Variants in FIRRM observed in about 807,000 individuals in gnomAD.
FIRRM encodes the protein FIGNL1-interacting regulator of recombination and mitosis.
chr1:169,852,428 C>G, the FIRRM span: 1 of 270,198 alleles, frequency 3.7e-6, no homozygotes, highest in East Asian at 9.3e-5. Flanking sequence ...TCATGAAGAA[C>G]AACATTCTGA....
chr1:169,816,212 C>G, the FIRRM span, among the ~76,000 whole-genome samples: 2 of 151,976 alleles, frequency 1.3e-5, no homozygotes, highest in African/African-American at 4.8e-5. Context: ...AACTGGGCAA[C>G]TGTTGGAAAC....
At chr1:169,841,177 C>T in the FIRRM span, among the ~76,000 whole-genome samples, 3 of 152,126 alleles carry the variant, frequency 2.0e-5, no homozygotes, top group Non-Finnish European at 4.4e-5. Context: ...TGGATTTTAT[C>T]AAAAGCTTTT....
the FIRRM span, chr1:169,827,723 A>C: frequency 6.2e-7 from 1 of 1,614,086 alleles, no homozygotes; most frequent in South Asian, 1.1e-5. Context: ...CTGCCATGTG[A>C]ACTGCAGTTT....
At chr1:169,809,061 T>TC in the FIRRM span, among the ~76,000 whole-genome samples, 1 of 152,058 alleles carries the variant, frequency 6.6e-6, no homozygotes, top group Non-Finnish European at 1.5e-5. Context: ...TAGGGGTTCA[T>TC]CCAAGTCCTA....
the FIRRM span, chr1:169,821,647 A>T: frequency 2.8e-6 from 4 of 1,453,002 alleles, no homozygotes; most frequent in African/African-American, 5.7e-5. Flanking sequence ...TTTCTTATTT[A>T]TTATGCTTTC....
At chr1:169,792,357 CA>C in the FIRRM span, among the ~76,000 whole-genome samples, 1 of 152,146 alleles carries the variant, frequency 6.6e-6, no homozygotes, top group Admixed American at 6.5e-5. Flanking sequence ...GATTTTCTTA[CA>C]AAATGATTTC....
At chr1:169,826,510 G>C in the FIRRM span, among the ~76,000 whole-genome samples, 1 of 151,900 alleles carries the variant, frequency 6.6e-6, no homozygotes, top group South Asian at 2.1e-4. Flanking sequence ...TTACAGGCAT[G>C]CACCACCACA....
At chr1:169,816,829 A>T in the FIRRM span, among the ~76,000 whole-genome samples, 1 of 152,238 alleles carries the variant, frequency 6.6e-6, no homozygotes, top group Non-Finnish European at 1.5e-5. Context: ...AAAGCACACT[A>T]TTCCAGCCAA....
chr1:169,853,948 C>A, the FIRRM span: 1 of 703,848 alleles, frequency 1.4e-6, no homozygotes. Context: ...GATTACAAAA[C>A]CATGGCACTG....
At chr1:169,832,531 ACTGT>A in the FIRRM span, 3 of 1,551,944 alleles carry the variant, frequency 1.9e-6, no homozygotes, top group Non-Finnish European at 2.7e-6. Flanking sequence ...CATCTTTGTC[ACTGT>A]CTGTGAAGCT....
the FIRRM span, among the ~76,000 whole-genome samples, chr1:169,804,932 C>T: frequency 1.3e-5 from 2 of 152,210 alleles, no homozygotes; most frequent in Non-Finnish European, 2.9e-5. Context: ...ATCCACCTGC[C>T]TCAGCCTCCC....
At chr1:169,843,720 C>T in the FIRRM span, 1 of 1,612,882 alleles carries the variant, frequency 6.2e-7, no homozygotes, top group Non-Finnish European at 8.5e-7. Context: ...CTTTTACTTC[C>T]ACTGTTGGGA....
the FIRRM span, among the ~76,000 whole-genome samples, chr1:169,813,261 A>G: frequency 6.6e-6 from 1 of 152,224 alleles, no homozygotes; most frequent in African/African-American, 2.4e-5. Context: ...TATTAGCCTC[A>G]TTATAGATGA....
the FIRRM span, among the ~76,000 whole-genome samples, chr1:169,800,087 T>C: frequency 4.6e-5 from 7 of 152,094 alleles, no homozygotes; most frequent in African/African-American, 1.7e-4. Context: ...TGGAGTGTAG[T>C]GGTGCGAACA....
At chr1:169,793,016 G>T in the FIRRM span, 1 of 1,614,032 alleles carries the variant, frequency 6.2e-7, no homozygotes, top group Non-Finnish European at 8.5e-7. Flanking sequence ...ATTAGGTAAG[G>T]TTACTTCATC....
At chr1:169,849,703 T>C in the FIRRM span, 2 of 900,004 alleles carry the variant, frequency 2.2e-6, no homozygotes, top group Non-Finnish European at 3.5e-6. Flanking sequence ...TGCTTCTGTA[T>C]TGCAATCGGA....
chr1:169,828,742 T>C, the FIRRM span, among the ~76,000 whole-genome samples: 2 of 152,084 alleles, frequency 1.3e-5, no homozygotes, highest in South Asian at 4.1e-4. Flanking sequence ...AGGGATAAGG[T>C]CTCACTATGT....
At chr1:169,791,778 G>C in the FIRRM span, among the ~76,000 whole-genome samples, 1 of 152,108 alleles carries the variant, frequency 6.6e-6, no homozygotes, top group Non-Finnish European at 1.5e-5. Context: ...ACTTCCAAGA[G>C]AGAAAAAAAT....
chr1:169,793,709 G>A, the FIRRM span: 2 of 1,547,836 alleles, frequency 1.3e-6, no homozygotes, highest in Non-Finnish European at 8.7e-7. Context: ...CTTATTAAAT[G>A]CACACAATCT....
Sources: allele counts gnomAD v4.1 joint callset (sites outside exome capture counted in the v4.1 genomes callset), GRCh38; gene constraint gnomAD v4.1.1; transcripts MANE v1.5; gene names NCBI Gene and HGNC (gene_info 2026-07-23, HGNC 2026-07-21).